Variants in COL4A6 observed in about 807,000 individuals in gnomAD.
COL4A6 encodes collagen type IV alpha 6 chain, also known as collagen alpha-6(IV) chain.
A neutral mutation model predicts 126.7 loss-of-function variants in COL4A6; 59 were observed. The observed-to-expected ratio is 0.47, with a 90% CI of 0.38 to 0.58. The LOEUF is 0.58. COL4A6 is among the 20% of genes least tolerant of loss of function. The probability of loss-of-function intolerance (pLI) is 0.00; values close to 1 mark genes in which losing one functional copy is unlikely to be tolerated. For missense variants in COL4A6, 1,285 were observed against 1,337.3 expected, an observed-to-expected ratio of 0.96 and a Z score of 0.61; for synonymous variants, 547 against 496.6, an observed-to-expected ratio of 1.10 and a Z score of -1.35.
Position 108,172,946 on chromosome X carries a change from C to A in COL4A6, c.3139-414G>T, listed in dbSNP as rs186543974. 1.0e-3 allele frequency among the ~76,000 whole-genome samples: 116 copies of A among 112,166 alleles called. 5 individuals carry two copies. The East Asian group carries it at 0.032, about 30-fold the overall frequency. On this transcript the variant is annotated intron_variant, in intron 31 of 44. Coordinates refer to ENST00000334504, the MANE Select transcript of COL4A6 (RefSeq NM_033641.4). ...GTTTCACTTCACCCTGCAGGGTTAG[C>A]CCTCTGCCACAGGTTCCGCAAGGAA...
In COL4A6 at chrX:108,187,118, T is replaced by G; in HGVS notation, c.1929A>C (p.Gln643His). ...GDKGKDGLPG[Q>H]QGLPGSKGIT... ...CACCCTTAGATCCGGGAAGGCCTTG[T>G]TGTCCCGGTAATCCATCCTTGCCTT... The change falls in exon 23 of 45, where the codon CAA becomes CAC. Residue 643 changes from glutamine to histidine, a missense_variant. By Grantham distance (24) the Gln-to-His change is conservative. Coordinates refer to ENST00000334504, the MANE Select transcript of COL4A6 (RefSeq NM_033641.4). 8.6e-7 allele frequency: 1 copy of G among 1,167,985 alleles called. No homozygotes were observed. Among genetic ancestry groups the G allele is most frequent in the African/African-American group, 1.8e-5 (1 of 56,621 alleles).
At chrX:108,174,325 C>T (rs1170001022) in intron 31 of COL4A6, 115 bp downstream of exon 31, 2 of 746,998 alleles carry the variant, frequency 2.7e-6, no homozygotes, top group African/African-American at 4.2e-5. Context: ...CTGAGGATGT[C>T]CTGGGAGAAG....
chrX:108,218,921 C>T (rs917200928), intron 5 of COL4A6, among the ~76,000 whole-genome samples: 5 of 111,168 alleles, frequency 4.5e-5, no homozygotes, highest in African/African-American at 1.3e-4. Context: ...CAAACATAGC[C>T]CAGACTATGG....
At chrX:108,438,016 T>C (rs1374480829) in intron 1 of COL4A6, 23 bp from the exon 2 acceptor site, 1 of 1,206,968 alleles carries the variant, frequency 8.3e-7, no homozygotes, top group South Asian at 1.8e-5. Flanking sequence ...GGAGGGTGAG[T>C]AATGGGCTCT....
At chrX:108,206,672 G>T in intron 8 of COL4A6, 92 bp from the exon 9 acceptor site, 1 of 746,491 alleles carries the variant, frequency 1.3e-6, no homozygotes, top group Non-Finnish European at 2.1e-6. Context: ...GTACAAGAAT[G>T]TTCATAGCAA....
chrX:108,413,114 T>C (rs1169258564), intron 2 of COL4A6, among the ~76,000 whole-genome samples: 1 of 112,139 alleles, frequency 8.9e-6, no homozygotes, highest in African/African-American at 3.2e-5. Flanking sequence ...CTACACTAGT[T>C]AAAGTAATAT....
At chrX:108,276,583 AGAT>A (rs1020167665) in intron 3 of COL4A6, among the ~76,000 whole-genome samples, 6 of 112,489 alleles carry the variant, frequency 5.3e-5, no homozygotes, top group African/African-American at 1.9e-4. Context: ...CCCCTGTGAA[AGAT>A]GAGGACATTT....
intron 2 of COL4A6, among the ~76,000 whole-genome samples, chrX:108,428,586 T>C (rs936237032): frequency 9.0e-6 from 1 of 110,982 alleles, no homozygotes; most frequent in Non-Finnish European, 1.9e-5. Context: ...CTAGGCTTAG[T>C]ACTGGGGTGA....
intron 2 of COL4A6, among the ~76,000 whole-genome samples, chrX:108,312,433 C>G (rs1375333331): frequency 1.8e-5 from 2 of 112,154 alleles, no homozygotes; most frequent in East Asian, 5.6e-4. Context: ...TTATTGCACA[C>G]TTTCCAGTTT....
At chrX:108,160,064 C>T (rs919759263) in intron 43 of COL4A6, among the ~76,000 whole-genome samples, 3 of 112,439 alleles carry the variant, frequency 2.7e-5, no homozygotes, top group African/African-American at 9.7e-5. Context: ...AATTAATTCT[C>T]AGGTAATCAT....
At chrX:108,386,462 A>G (rs1208733495) in intron 2 of COL4A6, among the ~76,000 whole-genome samples, 1 of 112,266 alleles carries the variant, frequency 8.9e-6, no homozygotes, top group Admixed American at 9.4e-5. Context: ...GCCTTTCTCT[A>G]ATGACCAGTG....
rs1411228760 is a variant in COL4A6, at chrX:108,386,826, T to C, written c.63+51116A>G. On this transcript the variant is annotated intron_variant, in intron 2 of 44. Coordinates refer to ENST00000334504, the MANE Select transcript of COL4A6 (RefSeq NM_033641.4). The stretch of plus-strand genomic sequence containing the variant: ...TCTGAATGGTATTGCTTAGGCTTTC[T>C]TCTAGGGTTTTTATGGTTTTAGGTC... 1.3e-4 allele frequency among the ~76,000 whole-genome samples: 15 copies of C among 112,298 alleles called. No individual in the cohort carries two copies. The Admixed American group carries it at 1.4e-3, about 11-fold the overall frequency.
chrX:108,436,079 T>A (rs1161510019), intron 2 of COL4A6, among the ~76,000 whole-genome samples: 3 of 112,144 alleles, frequency 2.7e-5, no homozygotes, highest in Non-Finnish European at 5.6e-5. Flanking sequence ...ATTCTGTGAC[T>A]GTCTTTATAT....
chrX:108,281,898 G>A (rs761466752), intron 3 of COL4A6, among the ~76,000 whole-genome samples: 2 of 110,593 alleles, frequency 1.8e-5, no homozygotes, highest in East Asian at 5.6e-4. Flanking sequence ...AATGGGGAAA[G>A]GATTCCCTAT....
intron 2 of COL4A6, among the ~76,000 whole-genome samples, chrX:108,402,833 T>A (rs2041118483): frequency 9.0e-6 from 1 of 111,257 alleles, no homozygotes; most frequent in Non-Finnish European, 1.9e-5. Context: ...TAAATTCTGT[T>A]GTAATTTGCT....
intron 13 of COL4A6, among the ~76,000 whole-genome samples, chrX:108,198,477 G>A (rs777230494): frequency 9.0e-6 from 1 of 111,259 alleles, no homozygotes; most frequent in African/African-American, 3.3e-5. Context: ...ACAAATTTGT[G>A]TGGGGGTTAG....
intron 3 of COL4A6, among the ~76,000 whole-genome samples, chrX:108,252,983 A>C (rs1393230453): frequency 8.9e-6 from 1 of 111,915 alleles, no homozygotes; most frequent in Non-Finnish European, 1.9e-5. Flanking sequence ...TTAGGTATAG[A>C]AGGAATGTAC....
At chrX:108,261,067 C>T (rs752782272) in intron 3 of COL4A6, among the ~76,000 whole-genome samples, 1 of 111,130 alleles carries the variant, frequency 9.0e-6, no homozygotes, top group Non-Finnish European at 1.9e-5. Context: ...TAGAAGACAT[C>T]ATTAGCACAG....
At chrX:108,272,364 G>T (rs1313355019) in intron 3 of COL4A6, among the ~76,000 whole-genome samples, 1 of 111,432 alleles carries the variant, frequency 9.0e-6, no homozygotes, top group African/African-American at 3.3e-5. Context: ...CTTATTACTC[G>T]AACTTCACTC....
Sources: allele counts gnomAD v4.1 joint callset (sites outside exome capture counted in the v4.1 genomes callset), GRCh38; gene constraint gnomAD v4.1.1; transcripts MANE v1.5; gene names NCBI Gene and HGNC (gene_info 2026-07-23, HGNC 2026-07-21).